AVIL: variants seen among roughly 807,000 people sequenced by gnomAD.
AVIL encodes the protein advillin.
In AVIL, 78 loss-of-function variants were observed where a neutral mutation model predicts 109.9. That is an observed-to-expected ratio of 0.71 (90% CI 0.59 to 0.86). The LOEUF is 0.86. Among genes scored for constraint, AVIL ranks in the 40% least tolerant of loss-of-function variants. AVIL has a pLI of 0.00. For synonymous variants in AVIL, 367 were observed against 379.1 expected (o/e 0.97, Z 0.37); for missense variants, 892 against 1,016.5 (o/e 0.88, Z 1.67).
chr12:57,816,929 G>T (rs530131819), intron 1 of AVIL, among the ~76,000 whole-genome samples: 36 of 152,008 alleles, frequency 2.4e-4, no homozygotes, highest in Non-Finnish European at 3.5e-4. Context: ...CTTCTGTGTG[G>T]AAGCGTGAAC....
chr12:57,802,853 A>G, intron 16 of AVIL: 1 of 557,268 alleles, frequency 1.8e-6, no homozygotes, highest in Non-Finnish European at 3.1e-6. Flanking sequence ...TCCCTACTCC[A>G]CTGCCCTTAT....
At chr12:57,816,738 T>G (rs1398871420) in intron 1 of AVIL, among the ~76,000 whole-genome samples, 5 of 148,212 alleles carry the variant, frequency 3.4e-5, no homozygotes, top group Non-Finnish European at 7.4e-5. Flanking sequence ...AGTAAACTAT[T>G]CTTAAACTCA....
Position 57,804,681 on chromosome 12 carries a change from C to T in AVIL, c.1672-1012G>A, listed in dbSNP as rs565464664. 3.4e-4 allele frequency among the ~76,000 whole-genome samples: 51 copies of T among 152,150 alleles called. No homozygotes were observed. In the East Asian group the frequency reaches 3.9e-3, roughly 12 times the overall value. On this transcript the variant is annotated intron_variant, in intron 14 of 19. Transcript: ENST00000549994. Reference sequence around the variant, plus strand: ...ACAATTAGCTGGGTGTGGTGGCACACGCCTGTAATCCCAGCTACTTGGGAG... The same window carrying T: ...ACAATTAGCTGGGTGTGGTGGCACATGCCTGTAATCCCAGCTACTTGGGAG...
In AVIL at chr12:57,813,295, A is replaced by C. The variant is rs1595175061; in HGVS notation, c.270T>G (p.Pro90=). The change falls in exon 4 of 20, where the codon CCT becomes CCG. Residue 90 remains proline (P), a synonymous_variant. Coordinates refer to ENST00000549994, the MANE Select transcript of AVIL (RefSeq NM_006576.4). ...TQLDDYLGGS[P]VQHREVQYHE... is the part of the protein sequence containing the mutation. ...GGTACTGGACCTCTCGGTGCTGCAC[A>C]GGGCTGCCTCCCAGGTAGTCGTCCA... is the stretch of plus-strand genomic sequence containing the variant. The C allele has an allele frequency of 6.2e-7, 1 of 1,614,092 alleles. No individual in the cohort carries two copies. The highest frequency in any genetic ancestry group is 2.2e-5 in the East Asian group (1 of 44,866).
At chr12:57,810,717 A>G (rs554266687) in intron 6 of AVIL, 99 bp downstream of exon 6, 2 of 1,434,610 alleles carry the variant, frequency 1.4e-6, no homozygotes, top group Non-Finnish European at 1.9e-6. Flanking sequence ...GACAGATTCT[A>G]CTCAAAGGCA....
rs776721367 is a variant in AVIL, at chr12:57,811,051, C to T, written c.415G>A (p.Val139Met). ...NTYDVKRLLH[V>M]KGKRNIRATE... ...GCCCTGATGTTTCTTTTCCCTTTCA[C>T]ATGTAGCAGCCGCTTCACGTCGTAG... The change falls in exon 5 of 20, where the codon GTG becomes ATG. Residue 139 changes from valine to methionine, a missense_variant. Coordinates refer to ENST00000549994, the MANE Select transcript of AVIL (RefSeq NM_006576.4). The T allele has an allele frequency of 2.6e-5, 42 of 1,614,092 alleles. No homozygotes were observed. The highest frequency in any genetic ancestry group is 3.5e-5 in the Non-Finnish European group (41 of 1,180,048).
In AVIL at chr12:57,807,471, C is replaced by G. The variant is rs1438015230; in HGVS notation, c.1351G>C (p.Asp451His). 3.1e-6 allele frequency: 5 copies of G among 1,614,148 alleles called. No individual in the cohort carries two copies. Among genetic ancestry groups the G allele is most frequent in the Non-Finnish European group, 3.4e-6 (4 of 1,180,054 alleles). The part of the protein sequence containing the change: ...YIWQGRHASQ[D>H]ELAASAYQAV... ...TGGTATGCTGAGGCTGCCAGCTCAT[C>G]CTGTGAGGCGTGGCGGCCCTGCAAT... Residue 451 changes from aspartate to histidine, a missense_variant, in exon 13 of 20, where the codon GAT becomes CAT. Physicochemically the swap from Asp to His is moderately conservative, Grantham distance 81. Transcript: ENST00000549994.
chr12:57,815,672 C>G (rs1565839801), intron 2 of AVIL: 1 of 1,358,066 alleles, frequency 7.4e-7, no homozygotes, highest in Non-Finnish European at 9.6e-7. Context: ...GTAGGTCCCA[C>G]CTGTCTTTCC....
intron 7 of AVIL, 129 bp downstream of exon 7, chr12:57,810,220 T>G: frequency 2.0e-6 from 2 of 1,000,282 alleles, no homozygotes; most frequent in Admixed American, 2.7e-5. Context: ...GAGCTGCATT[T>G]GAAAAGGACT....
intron 14 of AVIL, 79 bp from the exon 15 acceptor site, chr12:57,803,748 A>G (rs1374397318): frequency 1.0e-5 from 16 of 1,542,984 alleles, no homozygotes; most frequent in African/African-American, 1.4e-5. Flanking sequence ...TCTGAGACTA[A>G]TAACTCAGTG....
rs763182966 is a variant in AVIL at position 57,802,304 on chromosome 12, C to T, written c.2007G>A (p.Glu669=). The T allele has an allele frequency of 6.8e-6, 11 of 1,613,910 alleles. No individual in the cohort carries two copies. Among genetic ancestry groups the T allele is most frequent in the Non-Finnish European group, 9.3e-6 (11 of 1,179,910 alleles). Residue 669 remains glutamate (E), a synonymous_variant, in exon 17 of 20, where the codon GAG becomes GAA. Transcript: ENST00000549994. ...IGAEANATEK[E]SALATAQQYL... is the part of the protein sequence containing the mutation. ...ACTGCTGTGCTGTGGCAAGGGCACT[C>T]TCCTTCTCCGTGGCATTGGCCTCAG...
In AVIL at chr12:57,798,086, G is replaced by T. The variant is rs560190779; in HGVS notation, c.2347-91C>A. On this transcript the variant is annotated intron_variant, in intron 19 of 19. Transcript: ENST00000549994. ...GAAGTTGGAGCAAGAGGGAGTTCTA[G>T]GTGGATCCTTGAAGAGGGAAGTAGA... 242 of 818,046 alleles carry T rather than the reference G, an allele frequency of 3.0e-4. 1 individual carries two copies. In the South Asian group the frequency reaches 4.5e-3, roughly 15 times the overall value. The allele number at this position is 818,046 out of a possible 1,614,324, so 50.7% of individuals were successfully genotyped here. A position where few individuals can be genotyped will look rare whatever the true frequency, so the allele number is the denominator to read the frequency against.
At chr12:57,818,182 CTTTTTTTTTTTTTTTTTTTTT>C (rs66731427) in intron 1 of AVIL, among the ~76,000 whole-genome samples, 3 of 35,258 alleles carry the variant, frequency 8.5e-5, no homozygotes, top group African/African-American at 2.8e-4. Context: ...CCATGCTTGG[CTTTTTTTTTTTTTTTTTTTTT>C]TTTTTTTTTT....
In AVIL at chr12:57,809,712, T is replaced by G; in HGVS notation, c.841-17A>C. On this transcript the variant is annotated splice_polypyrimidine_tract_variant and intron_variant, in intron 8 of 19. Coordinates refer to ENST00000549994, the MANE Select transcript of AVIL (RefSeq NM_006576.4). ...GTAGCAGTCCTAAAGCAGCCAGAGA[T>G]AGGTATGGTTGCTCAAGACCAGAAG... is the stretch of plus-strand genomic sequence containing the variant. 1 of 1,614,086 alleles carries G rather than the reference T, an allele frequency of 6.2e-7. No individual in the cohort carries two copies. The highest frequency in any genetic ancestry group is 8.5e-7 in the Non-Finnish European group (1 of 1,179,964).
rs553774286 is a variant in AVIL at position 57,803,322 on chromosome 12, A to G, written c.1887T>C (p.Val629=). Residue 629 remains valine (V), a synonymous_variant, in exon 16 of 20, where the codon GTT becomes GTC. Coordinates refer to ENST00000549994, the MANE Select transcript of AVIL (RefSeq NM_006576.4). ...FECSNKTGQF[V]VTEITDFTQD... ...GGGTGAAGTCTGTGATCTCAGTGAC[A>G]ACGAATTGGCCGGTCTTATTGGAAC... 4 of 1,614,200 alleles carry G rather than the reference A, an allele frequency of 2.5e-6. No homozygotes were observed. In the East Asian group the frequency reaches 6.7e-5, roughly 27 times the overall value.
Position 57,806,485 on chromosome 12 carries a change from G to A in AVIL, c.1546C>T (p.Gln516Ter). ...TTAGATTTGTCATTTCCATGAATTT[G>A]GAAGAGTCTTACTGGAGGGTCAGGC... is the stretch of plus-strand genomic sequence containing the variant. ...AEPDPPVRLF[Q>*]IHGNDKSNTK... Residue 516 changes from glutamine (Q) to a stop codon, truncating the protein, a stop_gained, in exon 14 of 20, where the codon CAA (glutamine) becomes TAA (stop). Transcript: ENST00000549994. LOFTEE classifies it high-confidence loss of function. The A allele has an allele frequency of 1.2e-6, 2 of 1,614,146 alleles. No homozygotes were observed. Among genetic ancestry groups the A allele is most frequent in the Non-Finnish European group, 1.7e-6 (2 of 1,180,028 alleles).
chr12:57,802,664 G>A lies in AVIL; in HGVS notation c.1963-316C>T, dbSNP rs10783847. ...AAGCACCTTAAAAATAACACCTTCA[G>A]GATGTAGCTCTTCTTTACTAAACTT... On this transcript the variant is annotated intron_variant, in intron 16 of 19. Coordinates refer to ENST00000549994, the MANE Select transcript of AVIL (RefSeq NM_006576.4). The A allele has an allele frequency of 0.36, 231,604 of 649,752 alleles. 46,063 individuals are homozygous for A. Among genetic ancestry groups the A allele is most frequent in the East Asian group, 0.71 (25,946 of 36,776 alleles). The allele number at this position is 649,752 out of a possible 1,614,324, so 40.2% of individuals were successfully genotyped here.
In AVIL at chr12:57,813,326, GT is replaced by G; in HGVS notation, c.238del (p.Thr80HisfsTer44). On this transcript the variant is annotated frameshift_variant, in exon 4 of 20. Coordinates refer to ENST00000549994, the MANE Select transcript of AVIL (RefSeq NM_006576.4). LOFTEE classifies it high-confidence loss of function. Reference sequence around the variant, plus strand: ...GCCTCCCAGGTAGTCGTCCAGCTGTGTGGTATATATGGCTGCGCAGCTTTGC... The same window carrying G: ...GCCTCCCAGGTAGTCGTCCAGCTGTGGGTATATATGGCTGCGCAGCTTTGC... ...DEQSCAAIYT[T>X]QLDDYLGGSP... 1 of 1,614,128 alleles carries G rather than the reference GT, an allele frequency of 6.2e-7. No individual in the cohort carries two copies. The highest frequency in any genetic ancestry group is 8.5e-7 in the Non-Finnish European group (1 of 1,180,026).
chr12:57,803,664 A>G lies in AVIL; in HGVS notation c.1677T>C (p.Ser559=), dbSNP rs1384902002. Residue 559 remains serine, a synonymous_variant, in exon 15 of 20, where the codon TCT becomes TCC. Transcript: ENST00000549994. ...AEHYLWYGKG[S]SGDERAMAKE... is the part of the protein sequence containing the mutation. ...TAGCCATTGCCCGCTCATCCCCACT[A>G]GACCCCTGAGAGTGGGGCGAGGAGA... 5.0e-6 allele frequency: 8 copies of G among 1,613,862 alleles called. No homozygotes were observed. Among genetic ancestry groups the G allele is most frequent in the Non-Finnish European group, 6.8e-6 (8 of 1,179,990 alleles).
Sources: gnomAD v4.1 joint callset for allele counts (sites outside exome capture counted in the v4.1 genomes callset) on GRCh38, gnomAD v4.1.1 for gene constraint, MANE v1.5 for transcripts, NCBI Gene and HGNC (gene_info 2026-07-23, HGNC 2026-07-21) for gene names.